ALK: variants seen among roughly 807,000 people sequenced by gnomAD.
The protein encoded by ALK is ALK receptor tyrosine kinase, also known as ALK tyrosine kinase receptor.
ALK carries 74 observed loss-of-function variants against 163.1 expected under a neutral mutation model. The observed-to-expected ratio is 0.45, with a 90% confidence interval of 0.38 to 0.55. ALK has a LOEUF of 0.55. Among genes scored for constraint, ALK ranks in the 20% least tolerant of loss-of-function variants. The probability of loss-of-function intolerance (pLI) is 0.00; values close to 1 mark genes in which losing one functional copy is unlikely to be tolerated. For synonymous variants in ALK, 960 were observed against 843.2 expected (o/e 1.14, Z -2.40); for missense variants, 2,063 against 2,105.3 (o/e 0.98, Z 0.39).
Position 29,328,489 on chromosome 2 carries a change from G to A in ALK, c.1283-8C>T, listed in dbSNP as rs1667341945. The A allele has an allele frequency of 1.9e-6, 3 of 1,614,152 alleles. 1 individual carries two copies. The East Asian group carries it at 6.7e-5, about 36-fold the overall frequency. On this transcript the variant is annotated splice_polypyrimidine_tract_variant and splice_region_variant and intron_variant, in intron 5 of 28. Coordinates refer to ENST00000389048, the MANE Select transcript of ALK (RefSeq NM_004304.5). Reference sequence around the variant, plus strand: ...TGGAGCCTGGGGATGTTCCTGGAGAGCACACAGACACACAACCATGGTAAG... The same window carrying A: ...TGGAGCCTGGGGATGTTCCTGGAGAACACACAGACACACAACCATGGTAAG...
At chr2:29,599,180 A>G (rs146539256) in intron 3 of ALK, among the ~76,000 whole-genome samples, 299 of 145,798 alleles carry the variant, frequency 2.1e-3, no homozygotes, top group Admixed American at 3.7e-3. Context: ...TAAATATCTG[A>G]CTCTGCAAAA....
At chr2:29,528,528 C>T (rs1673023012) in intron 4 of ALK, among the ~76,000 whole-genome samples, 1 of 152,114 alleles carries the variant, frequency 6.6e-6, no homozygotes, top group African/African-American at 2.4e-5. Context: ...TGTGCTGTTG[C>T]TATTCTGCTT....
intron 1 of ALK, among the ~76,000 whole-genome samples, chr2:29,892,929 C>G (rs1309022730): frequency 6.6e-6 from 1 of 152,134 alleles, no homozygotes; most frequent in Non-Finnish European, 1.5e-5. Flanking sequence ...TGAGCCTTTC[C>G]AAGGTTGACT....
At position 29,580,118 on chromosome 2, in the gene ALK, C is replaced by T. The variant is rs974974683; in HGVS notation, c.953-48002G>A. Among the ~76,000 whole-genome samples the T allele has an allele frequency of 7.9e-5, 12 of 152,172 alleles. 1 individual carries two copies. The South Asian group carries it at 8.3e-4, about 11-fold the overall frequency. On this transcript the variant is annotated intron_variant, in intron 3 of 28. Coordinates refer to ENST00000389048, the MANE Select transcript of ALK (RefSeq NM_004304.5). The stretch of plus-strand genomic sequence containing the variant: ...CTGCCAGGGATTTTTGCTACTGTGT[C>T]GGTTTTATGCATATGTCCACATGAT...
chr2:29,567,674 G>A (rs1674233872), intron 3 of ALK, among the ~76,000 whole-genome samples: 1 of 149,830 alleles, frequency 6.7e-6, no homozygotes, highest in South Asian at 2.1e-4. Flanking sequence ...CCATTCCCAA[G>A]GTGCGTCTGG....
At chr2:29,822,328 C>T (rs1221610245) in intron 1 of ALK, among the ~76,000 whole-genome samples, 1 of 152,184 alleles carries the variant, frequency 6.6e-6, no homozygotes, top group Admixed American at 6.5e-5. Context: ...GCCTAGAGAA[C>T]TAAAGTCCCA....
rs574233172 is a variant in ALK at position 29,357,555 on chromosome 2, G to A, written c.1282+26177C>T. Reference sequence around the variant, plus strand: ...ACGGCAGATGCCTTTGTTATTTAGGGTCAAACCACAGCCAGAGTTAATTCT... The same window carrying A: ...ACGGCAGATGCCTTTGTTATTTAGGATCAAACCACAGCCAGAGTTAATTCT... On this transcript the variant is annotated intron_variant, in intron 5 of 28. Transcript: ENST00000389048. Among the ~76,000 whole-genome samples the A allele has an allele frequency of 6.6e-5, 10 of 152,308 alleles. No homozygotes were observed. The South Asian group carries it at 2.1e-3, about 32-fold the overall frequency.
chr2:29,494,314 C>A (rs1030737127), intron 4 of ALK, among the ~76,000 whole-genome samples: 15 of 152,124 alleles, frequency 9.9e-5, no homozygotes, highest in African/African-American at 1.4e-4. Context: ...GGTCTCTGTT[C>A]ATGGTGAGGG....
chr2:29,339,370 G>A (rs1288199152), intron 5 of ALK, among the ~76,000 whole-genome samples: 1 of 152,194 alleles, frequency 6.6e-6, no homozygotes, highest in Non-Finnish European at 1.5e-5. Flanking sequence ...GGGTGTGAAA[G>A]GATGTTCCTG....
intron 1 of ALK, among the ~76,000 whole-genome samples, chr2:29,790,021 C>G (rs1371334367): frequency 6.6e-6 from 1 of 152,172 alleles, no homozygotes; most frequent in African/African-American, 2.4e-5. Context: ...ACACCACTTT[C>G]TCTTTGCATA....
At chr2:29,819,085 C>T (rs1572404485) in intron 1 of ALK, among the ~76,000 whole-genome samples, 1 of 152,194 alleles carries the variant, frequency 6.6e-6, no homozygotes, top group Admixed American at 6.5e-5. Context: ...GTTCCTGCCT[C>T]TCCCGTCCCT....
At chr2:29,476,614 C>A (rs1257391625) in intron 4 of ALK, among the ~76,000 whole-genome samples, 2 of 151,804 alleles carry the variant, frequency 1.3e-5, no homozygotes, top group Non-Finnish European at 2.9e-5. Flanking sequence ...GCCCTGAGAC[C>A]CGGGGGAGTT....
chr2:29,238,611 T>C (rs573606253), intron 13 of ALK, among the ~76,000 whole-genome samples: 3 of 152,252 alleles, frequency 2.0e-5, no homozygotes, highest in East Asian at 1.9e-4. Context: ...CCGCCATTTT[T>C]CCCCCTTTCC....
chr2:29,257,816 C>T (rs1303745233), intron 11 of ALK, among the ~76,000 whole-genome samples: 1 of 152,168 alleles, frequency 6.6e-6, no homozygotes, highest in Non-Finnish European at 1.5e-5. Context: ...AAAATCATGA[C>T]CAAAATCCAG....
chr2:29,630,109 T>C (rs999604841), intron 3 of ALK, among the ~76,000 whole-genome samples: 9 of 152,196 alleles, frequency 5.9e-5, no homozygotes, highest in African/African-American at 1.4e-4. Context: ...TTTGATTGAC[T>C]GGCCACATGT....
intron 1 of ALK, among the ~76,000 whole-genome samples, chr2:29,773,589 G>A (rs1385310051): frequency 1.3e-5 from 2 of 152,138 alleles, no homozygotes; most frequent in Admixed American, 6.5e-5. Context: ...TTAGCATAAA[G>A]TTAAAGATTA....
intron 4 of ALK, among the ~76,000 whole-genome samples, chr2:29,514,365 T>C (rs1036370506): frequency 1.3e-5 from 2 of 150,624 alleles, no homozygotes; most frequent in African/African-American, 4.9e-5. Flanking sequence ...ATGGATGAAA[T>C]TGGAAATCAT....
intron 2 of ALK, among the ~76,000 whole-genome samples, chr2:29,702,178 T>C (rs1445850619): frequency 1.3e-5 from 2 of 152,048 alleles, no homozygotes; most frequent in African/African-American, 2.4e-5. Context: ...AAAATGACAA[T>C]TGAAATACTA....
intron 3 of ALK, among the ~76,000 whole-genome samples, chr2:29,597,121 ACCGCAT>A (rs1202368206): frequency 6.6e-6 from 1 of 152,224 alleles, no homozygotes; most frequent in Admixed American, 6.5e-5. Flanking sequence ...GACAAAGGCA[ACCGCAT>A]TCTTTAAGGC....
Sources: allele counts gnomAD v4.1 joint callset (sites outside exome capture counted in the v4.1 genomes callset), GRCh38; gene constraint gnomAD v4.1.1; transcripts MANE v1.5; gene names NCBI Gene and HGNC (gene_info 2026-07-23, HGNC 2026-07-21).